MARCHF1: variants seen among roughly 807,000 people sequenced by gnomAD.
The protein encoded by MARCHF1 is membrane associated ring-CH-type finger 1, also known as E3 ubiquitin-protein ligase MARCHF1.
In MARCHF1, 40 loss-of-function variants were observed where a neutral mutation model predicts 54.2. That is an observed-to-expected ratio of 0.74 (90% confidence interval 0.57 to 0.96). The LOEUF is 0.96. Among genes scored for constraint, MARCHF1 ranks in the 40% least tolerant of loss-of-function variants. MARCHF1 has a pLI of 0.00. For synonymous variants in MARCHF1, 236 were observed against 236.3 expected, an observed-to-expected ratio of 1.00 and a Z score of 0.01; for missense variants, 586 against 656.5, an observed-to-expected ratio of 0.89 and a Z score of 1.17.
At chr4:164,204,411 A>T (rs992037292) in intron 1 of MARCHF1, among the ~76,000 whole-genome samples, 1 of 152,226 alleles carries the variant, frequency 6.6e-6, no homozygotes, top group South Asian at 2.1e-4. Context: ...ATCCATTTTT[A>T]AAAAATCACG....
intron 2 of MARCHF1, among the ~76,000 whole-genome samples, chr4:164,062,540 T>C (rs1754641089): frequency 1.3e-5 from 2 of 152,274 alleles, no homozygotes; most frequent in South Asian, 2.1e-4. Context: ...TATTTATTTA[T>C]TGGAGACAGA....
intron 1 of MARCHF1, among the ~76,000 whole-genome samples, chr4:164,264,919 G>GAA (rs769358099): frequency 3.5e-5 from 4 of 115,282 alleles, no homozygotes; most frequent in Admixed American, 8.9e-5. Flanking sequence ...AGACTCTGTC[G>GAA]AAAAAAAAAA....
At chr4:163,831,807 T>C (rs1278530213) in intron 4 of MARCHF1, among the ~76,000 whole-genome samples, 1 of 152,166 alleles carries the variant, frequency 6.6e-6, no homozygotes, top group African/African-American at 2.4e-5. Context: ...GTCATTTTTG[T>C]AGTGTATGTG....
At position 164,205,728 on chromosome 4, in the gene MARCHF1, T is replaced by TA. The variant is rs557433360; in HGVS notation, c.-322-94067dup. 1.9e-3 allele frequency among the ~76,000 whole-genome samples: 279 copies of TA among 147,852 alleles called. 1 individual carries two copies. Among genetic ancestry groups the TA allele is most frequent in the South Asian group, 0.016 (77 of 4,692 alleles). The stretch of plus-strand genomic sequence containing the variant: ...CAAGGTTGAGCCACAGTTGTCTATT[T>TA]AAAAAAAAAAAATTTCTCTAACTAT... On this transcript the variant is annotated intron_variant, in intron 1 of 9. Coordinates refer to ENST00000514618, the MANE Select transcript of MARCHF1 (RefSeq NM_001394959.1).
chr4:164,332,940 TATACTTTCATTA>T (rs1186105057), intron 1 of MARCHF1, among the ~76,000 whole-genome samples: 1 of 152,180 alleles, frequency 6.6e-6, no homozygotes, highest in Non-Finnish European at 1.5e-5. Flanking sequence ...AGTATACAAA[TATACTTTCATTA>T]TTGCTAAATT....
chr4:164,130,645 C>G (rs915338758), intron 1 of MARCHF1, among the ~76,000 whole-genome samples: 8 of 152,124 alleles, frequency 5.3e-5, no homozygotes, highest in Admixed American at 3.9e-4. Flanking sequence ...TCACAACACC[C>G]TGGGAGGTTT....
intron 2 of MARCHF1, among the ~76,000 whole-genome samples, chr4:164,092,038 G>A (rs1286034898): frequency 6.6e-6 from 1 of 151,002 alleles, no homozygotes; most frequent in Non-Finnish European, 1.5e-5. Context: ...TGTTGGTGAG[G>A]GATATATGCA....
At chr4:163,576,793 T>G (rs1269527554) in intron 8 of MARCHF1, among the ~76,000 whole-genome samples, 2 of 151,200 alleles carry the variant, frequency 1.3e-5, no homozygotes, top group African/African-American at 4.9e-5. Context: ...TTTATTATTA[T>G]GTAATATCCT....
At chr4:163,662,812 G>A (rs1272062076) in intron 5 of MARCHF1, among the ~76,000 whole-genome samples, 2 of 151,662 alleles carry the variant, frequency 1.3e-5, no homozygotes, top group African/African-American at 2.4e-5. Context: ...AAAAAAAATC[G>A]TACAATCTCT....
intron 3 of MARCHF1, among the ~76,000 whole-genome samples, chr4:163,879,902 G>A (rs1484169596): frequency 6.6e-6 from 1 of 150,768 alleles, no homozygotes. Context: ...ATTTAATATG[G>A]GAGCTATTTA....
At chr4:163,619,674 T>C (rs1294861280) in intron 5 of MARCHF1, among the ~76,000 whole-genome samples, 1 of 152,000 alleles carries the variant, frequency 6.6e-6, no homozygotes, top group East Asian at 1.9e-4. Flanking sequence ...AAAGGTAGGT[T>C]ATTAAAAAAA....
At chr4:163,971,094 T>C (rs1464334147) in intron 3 of MARCHF1, among the ~76,000 whole-genome samples, 1 of 152,208 alleles carries the variant, frequency 6.6e-6, no homozygotes, top group Non-Finnish European at 1.5e-5. Context: ...CTGAGTACTG[T>C]GCTGTAACCA....
chr4:164,369,980 A>C (rs1452147600), intron 1 of MARCHF1, among the ~76,000 whole-genome samples: 1 of 152,212 alleles, frequency 6.6e-6, no homozygotes, highest in Non-Finnish European at 1.5e-5. Flanking sequence ...TACAACAAAA[A>C]CCATAATAAT....
chr4:163,565,539 A>C (rs2110991410), intron 8 of MARCHF1, among the ~76,000 whole-genome samples: 1 of 152,360 alleles, frequency 6.6e-6, no homozygotes. Flanking sequence ...CGAATCCCAC[A>C]GCAAGGCAGT....
chr4:163,898,155 C>G (rs1484473087), intron 3 of MARCHF1, among the ~76,000 whole-genome samples: 1 of 150,180 alleles, frequency 6.7e-6, no homozygotes, highest in Non-Finnish European at 1.5e-5. Context: ...GTAAAGACAC[C>G]AAAAGCAAAT....
intron 5 of MARCHF1, among the ~76,000 whole-genome samples, chr4:163,632,079 A>AAAAT (rs1157012063): frequency 1.3e-5 from 2 of 152,350 alleles, no homozygotes; most frequent in South Asian, 2.1e-4. Flanking sequence ...AAGAAAACAG[A>AAAAT]AAATAACAAG....
intron 1 of MARCHF1, among the ~76,000 whole-genome samples, chr4:164,196,170 A>T (rs1394240384): frequency 6.6e-6 from 1 of 152,118 alleles, no homozygotes. Flanking sequence ...AATGATAGTT[A>T]TTTGTCTCAA....
chr4:163,714,851 T>C (rs28744456), intron 4 of MARCHF1, among the ~76,000 whole-genome samples: 3,678 of 152,104 alleles, frequency 0.024, 146 homozygotes, highest in African/African-American at 0.083. Context: ...TTTAAAAAAC[T>C]TTTTATTTTT....
intron 1 of MARCHF1, among the ~76,000 whole-genome samples, chr4:164,126,637 C>T (rs941710070): frequency 6.6e-6 from 1 of 152,096 alleles, no homozygotes; most frequent in Non-Finnish European, 1.5e-5. Flanking sequence ...AAGGGTGATA[C>T]TGGTGAGGGC....
Sources: allele counts gnomAD v4.1 joint callset (sites outside exome capture counted in the v4.1 genomes callset), GRCh38; gene constraint gnomAD v4.1.1; transcripts MANE v1.5; gene names NCBI Gene and HGNC (gene_info 2026-07-23, HGNC 2026-07-21).